The following RAPGEF2 variants were observed in gnomAD, a reference collection of about 807,000 sequenced individuals.
RAPGEF2 encodes Rap guanine nucleotide exchange factor 2.
RAPGEF2 carries 54 observed loss-of-function variants against 186.7 expected under a neutral mutation model. The ratio of observed to expected loss-of-function variants is 0.29; its 90% CI spans 0.23 to 0.36. The LOEUF is 0.36. Ranked by LOEUF, RAPGEF2 falls within the 10% of genes least tolerant of loss-of-function variation. The pLI is 1.00. For missense variants in RAPGEF2, 1,532 were observed against 2,045.0 expected (o/e 0.75, Z 4.84); for synonymous variants, 712 against 705.9 (o/e 1.01, Z -0.14).
intron 7 of RAPGEF2, among the ~76,000 whole-genome samples, chr4:159,276,270 T>A (rs1047383180): frequency 6.6e-6 from 1 of 152,228 alleles, no homozygotes; most frequent in African/African-American, 2.4e-5. Flanking sequence ...TAGCTTTTTC[T>A]TTATGACTAA....
intron 3 of RAPGEF2, among the ~76,000 whole-genome samples, chr4:159,206,163 C>T (rs1749967842): frequency 1.3e-5 from 2 of 152,192 alleles, no homozygotes; most frequent in African/African-American, 4.8e-5. Context: ...ATCTCCTGAC[C>T]TCGTGATCCA....
chr4:159,103,828 T>A lies in RAPGEF2; in HGVS notation c.-335T>A, dbSNP rs1455262596. On this transcript the variant is annotated 5_prime_UTR_variant, in exon 1 of 30. Transcript: ENST00000691494. Reference sequence around the variant, plus strand: ...TCCCCCGAGTGGAGCCGGGGAGGCGTGTCGAGCCAGGGCCGGAGGAAGCCG... The same window carrying A: ...TCCCCCGAGTGGAGCCGGGGAGGCGAGTCGAGCCAGGGCCGGAGGAAGCCG... 6.6e-6 allele frequency: 1 copy of A among 152,448 alleles called. No individual in the cohort carries two copies. The highest frequency in any genetic ancestry group is 2.1e-4 in the South Asian group (1 of 4,802). The allele number at this position is 152,448 out of a possible 1,614,324, so 9.4% of individuals were successfully genotyped here.
chr4:159,295,720 A>AGT (rs71589223), intron 7 of RAPGEF2, among the ~76,000 whole-genome samples: 11,782 of 134,468 alleles, frequency 0.088, 536 homozygotes, highest in Admixed American at 0.12. Context: ...AGAGTGTGTG[A>AGT]GTGTGTGTGT....
intron 1 of RAPGEF2, among the ~76,000 whole-genome samples, chr4:159,133,826 G>A (rs865868444): frequency 6.6e-6 from 1 of 151,944 alleles, no homozygotes; most frequent in South Asian, 2.1e-4. Flanking sequence ...CTTGTGATCC[G>A]CCCGCCTCGG....
chr4:159,104,217 G>A lies in RAPGEF2; in HGVS notation c.55G>A (p.Glu19Lys), dbSNP rs1354542845. 2.2e-6 allele frequency: 3 copies of A among 1,379,308 alleles called. No homozygotes were observed. The highest frequency in any genetic ancestry group is 2.9e-5 in the South Asian group (2 of 69,220). 85.4% of individuals were successfully genotyped at this position (1,379,308 alleles called of 1,614,324 possible). A position where few individuals can be genotyped will look rare whatever the true frequency, so the allele number is the denominator to read the frequency against. ...FRQAVMKNPP[E>K]RTPQDLEIVY... is the part of the protein sequence containing the mutation. The stretch of plus-strand genomic sequence containing the variant: ...CCAGGCGGTGATGAAGAATCCCCCC[G>A]AAAGGACCCCCCAGGTGAGAACGCG... Residue 19 changes from glutamate to lysine, a missense_variant, in exon 1 of 30, where the codon GAA (glutamate) becomes AAA (lysine). Physicochemically the swap from Glu to Lys is moderately conservative, Grantham distance 56. This residue lies in a region of RAPGEF2 where 810 missense variants were observed against 1,210.5 expected (regional missense o/e 0.67). Transcript: ENST00000691494.
intron 4 of RAPGEF2, among the ~76,000 whole-genome samples, chr4:159,230,899 G>A (rs761004099): frequency 6.6e-6 from 1 of 152,148 alleles, no homozygotes; most frequent in Non-Finnish European, 1.5e-5. Context: ...ACGCTGTATT[G>A]ATTACTGAGT....
intron 7 of RAPGEF2, among the ~76,000 whole-genome samples, chr4:159,251,036 G>A (rs962186915): frequency 2.8e-4 from 43 of 152,338 alleles, no homozygotes; most frequent in Non-Finnish European, 4.1e-4. Context: ...CGGTGCTGCT[G>A]GCCAGGGCAG....
chr4:159,200,343 G>A (rs1749272859), intron 3 of RAPGEF2, among the ~76,000 whole-genome samples: 1 of 151,954 alleles, frequency 6.6e-6, no homozygotes, highest in Non-Finnish European at 1.5e-5. Context: ...GCGCACCTCT[G>A]TGGTCCCAGC....
chr4:159,273,630 CTTTCTTT>C lies in RAPGEF2; in HGVS notation c.543+29840_543+29846del, dbSNP rs1561188281. ...CCCTAGTAAGATCAGTAATCAGTTT[CTTTCTTT>C]CTTTCTTTCTTTCTTTCTTTCTTTC... On this transcript the variant is annotated intron_variant, in intron 7 of 29. Transcript: ENST00000691494. Among the ~76,000 whole-genome samples, 16 of 10,910 alleles carry C rather than the reference CTTTCTTT, an allele frequency of 1.5e-3. No individual in the cohort carries two copies. In the South Asian group the frequency reaches 0.026, roughly 18 times the overall value. The allele number at this position is 10,910 out of a possible 152,430, so 7.2% of individuals were successfully genotyped here. A position where few individuals can be genotyped will look rare whatever the true frequency, so the allele number is the denominator to read the frequency against.
At chr4:159,175,958 T>TTTC (rs1746412825) in intron 1 of RAPGEF2, among the ~76,000 whole-genome samples, 1 of 152,182 alleles carries the variant, frequency 6.6e-6, no homozygotes, top group Admixed American at 6.5e-5. Context: ...ACGAGTGTCT[T>TTTC]TGTTCAAGGT....
chr4:159,201,117 A>G (rs1486853564), intron 3 of RAPGEF2, among the ~76,000 whole-genome samples: 2 of 152,158 alleles, frequency 1.3e-5, no homozygotes, highest in African/African-American at 2.4e-5. Context: ...GCATTAACTT[A>G]TCTAGTGAGC....
Position 159,238,243 on chromosome 4 carries a change from T to G in RAPGEF2, c.282-566T>G, listed in dbSNP as rs143950034. Among the ~76,000 whole-genome samples, 548 of 152,270 alleles carry G rather than the reference T, an allele frequency of 3.6e-3. 3 individuals are homozygous for G. Among genetic ancestry groups the G allele is most frequent in the African/African-American group, 0.012 (488 of 41,538 alleles). On this transcript the variant is annotated intron_variant, in intron 4 of 29. Transcript: ENST00000691494. Reference sequence around the variant, plus strand: ...GCAGAGTTCTCAGGAGGAATGAGCTTTTAGTAGTACATCAACTGAAATAAC... The same window carrying G: ...GCAGAGTTCTCAGGAGGAATGAGCTGTTAGTAGTACATCAACTGAAATAAC...
intron 1 of RAPGEF2, among the ~76,000 whole-genome samples, chr4:159,126,928 C>G (rs908212875): frequency 1.1e-4 from 17 of 152,234 alleles, no homozygotes; most frequent in Admixed American, 6.5e-4. Flanking sequence ...TAATCTCACA[C>G]TATCTTCTGG....
At chr4:159,311,560 T>G (rs1040757559) in intron 8 of RAPGEF2, among the ~76,000 whole-genome samples, 3 of 152,186 alleles carry the variant, frequency 2.0e-5, no homozygotes, top group African/African-American at 7.2e-5. Context: ...AGTAAGAAGT[T>G]GTATCTACAG....
intron 22 of RAPGEF2, 117 bp from the exon 23 acceptor site, chr4:159,343,919 T>G: frequency 2.0e-6 from 2 of 1,013,548 alleles, no homozygotes; most frequent in Admixed American, 3.9e-5. Flanking sequence ...TGCAGTTTAA[T>G]GTTTGTGGGC....
intron 7 of RAPGEF2, among the ~76,000 whole-genome samples, chr4:159,255,412 T>C (rs1756036065): frequency 6.6e-6 from 1 of 152,174 alleles, no homozygotes; most frequent in Non-Finnish European, 1.5e-5. Flanking sequence ...TCTGTCTCCT[T>C]GTTCTTATAT....
intron 3 of RAPGEF2, among the ~76,000 whole-genome samples, chr4:159,209,005 C>T (rs1194588741): frequency 6.6e-6 from 1 of 152,090 alleles, no homozygotes; most frequent in East Asian, 1.9e-4. Context: ...ATTCTCCTGC[C>T]TCAGCCTCCC....
chr4:159,331,959 A>C lies in RAPGEF2; in HGVS notation c.1813A>C (p.Ile605Leu). Residue 605 changes from isoleucine to leucine, a missense_variant, in exon 16 of 30, where the codon ATT becomes CTT. By Grantham distance (5) the Ile-to-Leu change is conservative. Transcript: ENST00000691494. ...AGTAAATGGCCAAAACTTTGAAAAC[A>C]TTCAGCTGTCAAAAGCTATGGAAAT... ...LEVNGQNFEN[I>L]QLSKAMEILR... 7.5e-6 allele frequency: 12 copies of C among 1,609,290 alleles called. No individual in the cohort carries two copies. The highest frequency in any genetic ancestry group is 1.0e-5 in the Non-Finnish European group (12 of 1,178,742).
intron 1 of RAPGEF2, among the ~76,000 whole-genome samples, chr4:159,131,857 G>A (rs897029757): frequency 6.6e-6 from 1 of 151,780 alleles, no homozygotes; most frequent in African/African-American, 2.4e-5. Context: ...TTTCTTTGTA[G>A]GGCCATAGGT....
Sources: gnomAD v4.1 joint callset for allele counts (sites outside exome capture counted in the v4.1 genomes callset) on GRCh38, gnomAD v4.1.1 for gene constraint, gnomAD v4.1.1 regional missense constraint, MANE v1.5 for transcripts, NCBI Gene and HGNC (gene_info 2026-07-23, HGNC 2026-07-21) for gene names.